ANKS1B: variants seen among roughly 807,000 people sequenced by gnomAD.
The protein encoded by ANKS1B is ankyrin repeat and sterile alpha motif domain containing 1B, also known as ankyrin repeat and sterile alpha motif domain-containing protein 1B.
A neutral mutation model predicts 148.3 loss-of-function variants in ANKS1B; 36 were observed. That is an observed-to-expected ratio of 0.24 (90% CI 0.19 to 0.32). The LOEUF (loss-of-function observed/expected upper bound fraction) is 0.32. ANKS1B is among the 10% of genes least tolerant of loss of function. The pLI, the probability that ANKS1B is intolerant of heterozygous loss-of-function variation, is 1.00. For synonymous variants in ANKS1B, 542 were observed against 560.8 expected (o/e 0.97, Z 0.47); for missense variants, 1,157 against 1,542.6 (o/e 0.75, Z 4.19).
chr12:99,656,824 G>T (rs547575575), intron 8 of ANKS1B, among the ~76,000 whole-genome samples: 5 of 152,080 alleles, frequency 3.3e-5, no homozygotes, highest in African/African-American at 9.7e-5. Context: ...TGAATGTAGC[G>T]TTCAGCACAA....
At chr12:99,186,368 G>A (rs570127690) in intron 14 of ANKS1B, among the ~76,000 whole-genome samples, 6 of 152,128 alleles carry the variant, frequency 3.9e-5, no homozygotes, top group South Asian at 2.1e-4. Flanking sequence ...CAGATCTCCC[G>A]GCACATTGAT....
At chr12:99,391,624 T>G (rs1289660920) in intron 12 of ANKS1B, among the ~76,000 whole-genome samples, 1 of 152,218 alleles carries the variant, frequency 6.6e-6, no homozygotes, top group African/African-American at 2.4e-5. Flanking sequence ...GGTAAGCCAA[T>G]AGTATTATAT....
rs551406136 is a variant in ANKS1B, at chr12:98,782,114, A to G, written c.3354+12T>C. 3.8e-6 allele frequency: 6 copies of G among 1,597,066 alleles called. No homozygotes were observed. Among genetic ancestry groups the G allele is most frequent in the African/African-American group, 2.7e-5 (2 of 74,604 alleles). ...CTAGTAATAATCACACTAAACATCAAGAAGAACCTACCTGACAGTTAGCCT... is the reference window on the plus strand; with the variant it reads ...CTAGTAATAATCACACTAAACATCAGGAAGAACCTACCTGACAGTTAGCCT... On this transcript the variant is annotated intron_variant, in intron 23 of 26. Coordinates refer to ENST00000683438, the MANE Select transcript of ANKS1B (RefSeq NM_001352186.2).
intron 16 of ANKS1B, among the ~76,000 whole-genome samples, chr12:99,070,651 G>A (rs979060385): frequency 5.3e-5 from 8 of 152,128 alleles, no homozygotes; most frequent in Non-Finnish European, 1.0e-4. Flanking sequence ...CCACAACAAA[G>A]AAGTTTTCTT....
chr12:99,668,984 G>A (rs2098523449), intron 8 of ANKS1B, among the ~76,000 whole-genome samples: 1 of 151,610 alleles, frequency 6.6e-6, no homozygotes, highest in Non-Finnish European at 1.5e-5. Context: ...TGTTTCCTTT[G>A]AACTCTTTTA....
chr12:98,751,223 G>C lies in ANKS1B; in HGVS notation c.3747+132C>G. On this transcript the variant is annotated intron_variant, in intron 26 of 26. Coordinates refer to ENST00000683438, the MANE Select transcript of ANKS1B (RefSeq NM_001352186.2). This position sits in a 1 kb window ranked among gnomAD's most constrained non-coding sequence, Gnocchi z 4.3. ...AGAGGTGATGATGGACACATGCCAGGAGGAGGCCAAGGGAAAGGATGAAGA... is the reference window on the plus strand; with the variant it reads ...AGAGGTGATGATGGACACATGCCAGCAGGAGGCCAAGGGAAAGGATGAAGA... The C allele has an allele frequency of 9.9e-6, 9 of 905,932 alleles. No individual in the cohort carries two copies. Among genetic ancestry groups the C allele is most frequent in the Non-Finnish European group, 1.5e-5 (9 of 603,122 alleles). 56.1% of individuals were successfully genotyped at this position (905,932 alleles called of 1,614,324 possible).
intron 16 of ANKS1B, among the ~76,000 whole-genome samples, chr12:99,060,197 AT>A (rs2041925368): frequency 7.1e-6 from 1 of 141,026 alleles, no homozygotes; most frequent in East Asian, 2.2e-4. Flanking sequence ...ATATATTAAC[AT>A]ATTTTTTTTT....
chr12:98,895,172 A>C, intron 17 of ANKS1B: 1 of 984,268 alleles, frequency 1.0e-6, no homozygotes. Context: ...ATGCGGGCCC[A>C]GGCGCGGCGC....
At chr12:99,877,087 A>C (rs1402923456) in intron 1 of ANKS1B, among the ~76,000 whole-genome samples, 2 of 151,850 alleles carry the variant, frequency 1.3e-5, no homozygotes, top group Non-Finnish European at 2.9e-5. Flanking sequence ...CCTCATACCC[A>C]CTTCACCCCC....
At chr12:99,259,673 T>C (rs933128169) in intron 12 of ANKS1B, among the ~76,000 whole-genome samples, 2 of 152,216 alleles carry the variant, frequency 1.3e-5, no homozygotes, top group Admixed American at 1.3e-4. Context: ...AATTATTGTA[T>C]CTTTTTGGTA....
chr12:99,575,657 G>A (rs2097510532), intron 9 of ANKS1B, among the ~76,000 whole-genome samples: 1 of 152,018 alleles, frequency 6.6e-6, no homozygotes, highest in Admixed American at 6.6e-5. Context: ...CACGAGAACA[G>A]TATGGGGAAA....
chr12:99,069,408 T>C (rs1180185211), intron 16 of ANKS1B, among the ~76,000 whole-genome samples: 1 of 152,224 alleles, frequency 6.6e-6, no homozygotes, highest in African/African-American at 2.4e-5. Context: ...CATTCAAAAC[T>C]TTCTTATGAT....
chr12:99,434,701 T>A (rs1314892203), intron 11 of ANKS1B, among the ~76,000 whole-genome samples: 1 of 152,100 alleles, frequency 6.6e-6, no homozygotes. Flanking sequence ...AAACTTCAAG[T>A]TAATGTCTAA....
At chr12:99,497,978 C>T (rs2096620090) in intron 10 of ANKS1B, among the ~76,000 whole-genome samples, 1 of 152,232 alleles carries the variant, frequency 6.6e-6, no homozygotes, top group African/African-American at 2.4e-5. Flanking sequence ...GCATTGAATG[C>T]ATTCCCTGAA....
At chr12:99,419,221 AAAC>A (rs1189096185) in intron 11 of ANKS1B, among the ~76,000 whole-genome samples, 3 of 152,200 alleles carry the variant, frequency 2.0e-5, no homozygotes, top group Non-Finnish European at 4.4e-5. Context: ...TTCTCCAACA[AAAC>A]AATGTGAGCT....
chr12:99,638,421 T>A (rs561359240), intron 9 of ANKS1B, among the ~76,000 whole-genome samples: 1 of 152,090 alleles, frequency 6.6e-6, no homozygotes, highest in Non-Finnish European at 1.5e-5. Context: ...GAGGAACTTG[T>A]TGGGAACTGC....
intron 17 of ANKS1B, among the ~76,000 whole-genome samples, chr12:98,909,661 T>C (rs756224235): frequency 3.9e-5 from 6 of 152,108 alleles, no homozygotes; most frequent in Non-Finnish European, 7.4e-5. Context: ...AAGAAAAAAA[T>C]ATATAGCATA....
chr12:99,048,300 T>C (rs927722732), intron 17 of ANKS1B, among the ~76,000 whole-genome samples: 2 of 152,264 alleles, frequency 1.3e-5, no homozygotes, highest in Admixed American at 6.5e-5. Flanking sequence ...TGCACAGAGA[T>C]AGATCATAAA....
chr12:98,810,099 G>T (rs1043554918), intron 19 of ANKS1B, among the ~76,000 whole-genome samples: 25 of 152,132 alleles, frequency 1.6e-4, no homozygotes, highest in African/African-American at 5.6e-4. Context: ...TAAACAATTT[G>T]CACCTCCACC....
Sources: allele counts gnomAD v4.1 joint callset (sites outside exome capture counted in the v4.1 genomes callset), GRCh38; gene constraint gnomAD v4.1.1; non-coding constraint Gnocchi (gnomAD v3.1); transcripts MANE v1.5; gene names NCBI Gene and HGNC (gene_info 2026-07-23, HGNC 2026-07-21).